Variants in LAMB4 observed in about 807,000 individuals in gnomAD.
LAMB4 encodes laminin subunit beta 4.
LAMB4 carries 196 observed loss-of-function variants against 199.2 expected under a neutral mutation model. That is an observed-to-expected ratio of 0.98 (90% CI 0.88 to 1.11). LAMB4 has a LOEUF of 1.11. Ranked by LOEUF, LAMB4 falls within the 50% of genes least tolerant of loss-of-function variation. The pLI is 0.00. For synonymous variants in LAMB4, 744 were observed against 770.6 expected (o/e 0.97, Z 0.57); for missense variants, 2,080 against 2,171.2 (o/e 0.96, Z 0.83).
chr7:108,124,664 CA>C (rs55806392), intron 1 of LAMB4, among the ~76,000 whole-genome samples: 105 of 144,892 alleles, frequency 7.2e-4, no homozygotes, highest in African/African-American at 1.7e-3. Flanking sequence ...GTTTAAAAGG[CA>C]AAAAAAAAAC....
intron 33 of LAMB4, 54 bp from the exon 34 acceptor site, chr7:108,024,232 G>A (rs1350088378): frequency 5.5e-6 from 6 of 1,082,520 alleles, no homozygotes; most frequent in African/African-American, 1.6e-5. Flanking sequence ...GATTCCTGCT[G>A]GATACCTACA....
intron 29 of LAMB4, among the ~76,000 whole-genome samples, chr7:108,040,715 C>T (rs567122108): frequency 7.4e-4 from 112 of 152,228 alleles, no homozygotes; most frequent in African/African-American, 2.6e-3. Flanking sequence ...ATATGCAGAA[C>T]GCTGAAACTG....
chr7:108,067,865 T>G, intron 19 of LAMB4, 151 bp downstream of exon 19: 6 of 957,120 alleles, frequency 6.3e-6, no homozygotes, highest in Non-Finnish European at 8.0e-6. Flanking sequence ...AGCAAAAAAA[T>G]GTTCAGTATA....
At chr7:108,056,929 C>G (rs1265278473) in intron 24 of LAMB4, among the ~76,000 whole-genome samples, 1 of 150,954 alleles carries the variant, frequency 6.6e-6, no homozygotes, top group African/African-American at 2.4e-5. Context: ...TGTGATCATG[C>G]CACTGCACTC....
At chr7:108,081,779 G>C (rs367592621) in intron 14 of LAMB4, among the ~76,000 whole-genome samples, 1 of 152,282 alleles carries the variant, frequency 6.6e-6, no homozygotes, top group East Asian at 1.9e-4. Flanking sequence ...GCACTGACTT[G>C]AGCAGTATTT....
Position 108,095,339 on chromosome 7 carries a change from T to C in LAMB4, c.1361-2A>G, listed in dbSNP as rs769633527. The C allele has an allele frequency of 1.2e-5, 19 of 1,599,308 alleles. No individual in the cohort carries two copies. The highest frequency in any genetic ancestry group is 3.3e-4 in the Middle Eastern group (2 of 6,058). On this transcript the variant is annotated splice_acceptor_variant, in intron 11 of 33. Coordinates refer to ENST00000388781, the MANE Select transcript of LAMB4 (RefSeq NM_007356.3). LOFTEE classifies it high-confidence loss of function. ...TCCCAAGGGGGTTACAGTCGCAGGCTGAAAGCACAGCATACACAATTATTC... is the reference window on the plus strand; with the variant it reads ...TCCCAAGGGGGTTACAGTCGCAGGCCGAAAGCACAGCATACACAATTATTC...
chr7:108,107,547 A>G, intron 6 of LAMB4, 84 bp downstream of exon 6: 1 of 1,064,832 alleles, frequency 9.4e-7, no homozygotes, highest in East Asian at 2.7e-5. Context: ...TACAGTAAAC[A>G]CTATCGAAAG....
At chr7:108,072,178 A>G (rs993373075) in intron 17 of LAMB4, among the ~76,000 whole-genome samples, 1 of 152,114 alleles carries the variant, frequency 6.6e-6, no homozygotes, top group Non-Finnish European at 1.5e-5. Flanking sequence ...CATGAAGGAG[A>G]AAACCCTGTT....
chr7:108,029,098 T>C lies in LAMB4; in HGVS notation c.5091A>G (p.Lys1697=), dbSNP rs2034940039. ...KETLGKVKQL[K]DAAEKLAGDT... ...CTCCAGCCAATTTTTCTGCCGCATC[T>C]TTTAGCTGTTTAACTTTTCCTAATG... The change falls in exon 33 of 34, where the codon AAA becomes AAG. Residue 1697 remains lysine (K), a synonymous_variant. Coordinates refer to ENST00000388781, the MANE Select transcript of LAMB4 (RefSeq NM_007356.3). The C allele has an allele frequency of 1.2e-6, 2 of 1,614,002 alleles. No individual in the cohort carries two copies. The highest frequency in any genetic ancestry group is 1.7e-6 in the Non-Finnish European group (2 of 1,179,988).
chr7:108,055,571 C>T (rs2035955176), intron 25 of LAMB4, 61 bp downstream of exon 25: 1 of 1,503,244 alleles, frequency 6.7e-7, no homozygotes, highest in Non-Finnish European at 9.0e-7. Flanking sequence ...GATGTTAAAG[C>T]TTGGTGGGAG....
At chr7:108,083,801 C>A (rs1025804247) in intron 14 of LAMB4, among the ~76,000 whole-genome samples, 22 of 152,280 alleles carry the variant, frequency 1.4e-4, no homozygotes, top group African/African-American at 4.8e-5. Flanking sequence ...TCCCAGTGAC[C>A]ATGGTAATCT....
chr7:108,078,203 C>T lies in LAMB4; in HGVS notation c.2001G>A (p.Thr667=), dbSNP rs201692580. The part of the protein sequence containing the change: ...KPQSFALPAA[T]RIMLLPTPIC... The stretch of plus-strand genomic sequence containing the variant: ...TTGAGGACCGGTCTGAAACATACCT[C>T]GTAGCCGCTGGTAAGGCAAAAGACT... The change falls in exon 16 of 34, where the codon ACG becomes ACA. Residue 667 remains threonine, a splice_region_variant and synonymous_variant. Coordinates refer to ENST00000388781, the MANE Select transcript of LAMB4 (RefSeq NM_007356.3). 269 of 1,593,668 alleles carry T rather than the reference C, an allele frequency of 1.7e-4. No individual in the cohort carries two copies. The highest frequency in any genetic ancestry group is 3.3e-4 in the Middle Eastern group (2 of 6,050).
intron 13 of LAMB4, 129 bp from the exon 14 acceptor site, chr7:108,091,905 G>A: frequency 1.1e-6 from 1 of 897,614 alleles, no homozygotes; most frequent in East Asian, 2.5e-5. Context: ...ATGGTCCTGT[G>A]GGAAGATGCA....
intron 26 of LAMB4, 83 bp downstream of exon 26, chr7:108,052,014 C>G (rs1431076909): frequency 5.5e-6 from 6 of 1,089,390 alleles, no homozygotes; most frequent in East Asian, 2.5e-5. Flanking sequence ...TGGTGGTAAG[C>G]AGGGGACGAC....
Position 108,106,026 on chromosome 7 carries a change from C to T in LAMB4, c.661G>A (p.Val221Met), listed in dbSNP as rs767647543. The change falls in exon 8 of 34, where the codon GTG (valine) becomes ATG (methionine). Residue 221 changes from valine to methionine, a missense_variant. Val to Met is a conservative substitution (Grantham distance 21). Coordinates refer to ENST00000388781, the MANE Select transcript of LAMB4 (RefSeq NM_007356.3). ...NPYSPYIQDLVTLTNLRINFT... is the reference protein window; with the variant it reads ...NPYSPYIQDLMTLTNLRINFT... ...TTTATCCTCAGGTTTGTCAATGTCA[C>T]AAGGTCTAAAGAAAGGAAAATAATG... 23 of 1,613,258 alleles carry T rather than the reference C, an allele frequency of 1.4e-5. No individual in the cohort carries two copies. Among genetic ancestry groups the T allele is most frequent in the Non-Finnish European group, 1.9e-5 (22 of 1,179,232 alleles).
At chr7:108,086,004 C>CA in intron 14 of LAMB4, among the ~76,000 whole-genome samples, 1 of 152,310 alleles carries the variant, frequency 6.6e-6, no homozygotes, top group East Asian at 1.9e-4. Context: ...GCCAGATCCC[C>CA]TTTACTGGGT....
chr7:108,117,938 A>G (rs1364466596), intron 2 of LAMB4, among the ~76,000 whole-genome samples: 2 of 152,080 alleles, frequency 1.3e-5, no homozygotes, highest in African/African-American at 2.4e-5. Context: ...CTTTACTGCA[A>G]CCTGTTTTAC....
Position 108,029,091 on chromosome 7 carries a change from C to A in LAMB4, c.5098G>T (p.Ala1700Ser), listed in dbSNP as rs138466635. The A allele has an allele frequency of 7.0e-4, 1,125 of 1,613,914 alleles. 2 individuals carry two copies. Among genetic ancestry groups the A allele is most frequent in the Non-Finnish European group, 9.2e-4 (1,091 of 1,179,976 alleles). ...LGKVKQLKDA[A>S]EKLAGDTEAK... ...TCTGTATCTCCAGCCAATTTTTCTG[C>A]CGCATCTTTTAGCTGTTTAACTTTT... Residue 1700 changes from alanine to serine, a missense_variant, in exon 33 of 34, where the codon GCA becomes TCA. Ala to Ser is a moderately conservative substitution (Grantham distance 99). Coordinates refer to ENST00000388781, the MANE Select transcript of LAMB4 (RefSeq NM_007356.3).
intron 14 of LAMB4, among the ~76,000 whole-genome samples, chr7:108,080,676 G>A (rs390547): frequency 0.62 from 94,270 of 152,054 alleles, 30,822 homozygotes; most frequent in African/African-American, 0.84. Flanking sequence ...TGCAAAATAA[G>A]TAGGACAGAG....
Sources: allele counts gnomAD v4.1 joint callset (sites outside exome capture counted in the v4.1 genomes callset), GRCh38; gene constraint gnomAD v4.1.1; transcripts MANE v1.5; gene names NCBI Gene and HGNC (gene_info 2026-07-23, HGNC 2026-07-21).